The following SLX4IP variants were observed in gnomAD, a reference collection of about 807,000 sequenced individuals.
SLX4IP encodes protein SLX4IP.
SLX4IP carries 34 observed loss-of-function variants against 32.9 expected under a neutral mutation model. The ratio of observed to expected loss-of-function variants is 1.03; its 90% confidence interval spans 0.79 to 1.38. The LOEUF (loss-of-function observed/expected upper bound fraction) is 1.38, where lower values mean the gene tolerates loss of function less well. Ranked by LOEUF, SLX4IP falls within the 40% of genes most tolerant of loss-of-function variation. The probability of loss-of-function intolerance (pLI) is 0.00; values close to 1 mark genes in which losing one functional copy is unlikely to be tolerated. For synonymous variants in SLX4IP, 172 were observed against 171.7 expected (o/e 1.00, Z -0.01); for missense variants, 444 against 479.0 (o/e 0.93, Z 0.68).
chr20:10,595,265 G>A (rs576352078), intron 4 of SLX4IP, among the ~76,000 whole-genome samples: 1 of 152,262 alleles, frequency 6.6e-6, no homozygotes, highest in South Asian at 2.1e-4. Context: ...ATCCCTTCTT[G>A]TGTCTAAAGA....
chr20:10,557,684 G>A (rs1056335788), intron 3 of SLX4IP, among the ~76,000 whole-genome samples: 1 of 152,064 alleles, frequency 6.6e-6, no homozygotes, highest in Non-Finnish European at 1.5e-5. Context: ...ATTCCCTTTC[G>A]GCTTTGCCAC....
At chr20:10,543,102 A>G (rs985271670) in intron 2 of SLX4IP, among the ~76,000 whole-genome samples, 1 of 152,178 alleles carries the variant, frequency 6.6e-6, no homozygotes, top group Admixed American at 6.5e-5. Flanking sequence ...TTTATTCACT[A>G]GGACTCATTT....
intron 3 of SLX4IP, among the ~76,000 whole-genome samples, chr20:10,560,490 C>T (rs1228048522): frequency 6.6e-6 from 1 of 152,186 alleles, no homozygotes; most frequent in Non-Finnish European, 1.5e-5. Flanking sequence ...CCAGATCACA[C>T]AGTGAGCCAA....
intron 2 of SLX4IP, among the ~76,000 whole-genome samples, chr20:10,493,510 A>T (rs1212935092): frequency 6.6e-6 from 1 of 152,126 alleles, no homozygotes. Flanking sequence ...TTTTATGTAT[A>T]GTCAACATCT....
At chr20:10,573,486 G>A (rs1443378818) in intron 4 of SLX4IP, among the ~76,000 whole-genome samples, 1 of 152,188 alleles carries the variant, frequency 6.6e-6, no homozygotes. Context: ...ACAATGGGCA[G>A]TTAGAATGTG....
At chr20:10,592,843 AG>A (rs2066727277) in intron 4 of SLX4IP, among the ~76,000 whole-genome samples, 1 of 151,994 alleles carries the variant, frequency 6.6e-6, no homozygotes. Context: ...CATGTGAGCC[AG>A]GATGGTCTCG....
intron 2 of SLX4IP, among the ~76,000 whole-genome samples, chr20:10,473,979 T>G (rs543497661): frequency 2.0e-5 from 3 of 152,050 alleles, no homozygotes; most frequent in Non-Finnish European, 4.4e-5. Flanking sequence ...CACGCCACCA[T>G]GCCTGGCTAA....
chr20:10,522,499 A>C (rs865819679), intron 2 of SLX4IP, among the ~76,000 whole-genome samples: 5 of 152,168 alleles, frequency 3.3e-5, no homozygotes, highest in Admixed American at 6.5e-5. Flanking sequence ...CAGGGAGCAA[A>C]GAGAAGCATT....
At chr20:10,566,166 A>C (rs1248035014) in intron 4 of SLX4IP, among the ~76,000 whole-genome samples, 1 of 151,314 alleles carries the variant, frequency 6.6e-6, no homozygotes, top group Non-Finnish European at 1.5e-5. Flanking sequence ...TCTGATTAGC[A>C]TTCTTTACCT....
intron 2 of SLX4IP, among the ~76,000 whole-genome samples, chr20:10,505,039 TGGGAAGTG>T (rs1472917598): frequency 7.2e-5 from 11 of 152,230 alleles, no homozygotes; most frequent in Admixed American, 6.5e-4. Flanking sequence ...GGCAATCAAA[TGGGAAGTG>T]GCATTTCGTG....
chr20:10,436,270 C>A (rs1432503103), intron 1 of SLX4IP, among the ~76,000 whole-genome samples: 2 of 152,188 alleles, frequency 1.3e-5, no homozygotes, highest in Non-Finnish European at 2.9e-5. Context: ...CACCCCAGAG[C>A]TGCTGAATCA....
chr20:10,586,223 T>A (rs989076878), intron 4 of SLX4IP, among the ~76,000 whole-genome samples: 5 of 152,162 alleles, frequency 3.3e-5, no homozygotes, highest in Admixed American at 1.3e-4. Flanking sequence ...AAAATAAATA[T>A]AACAGTTTAT....
chr20:10,600,122 T>C (rs905254757), intron 5 of SLX4IP, among the ~76,000 whole-genome samples: 6 of 152,128 alleles, frequency 3.9e-5, no homozygotes, highest in African/African-American at 1.4e-4. Context: ...AAAAAGGCTA[T>C]ATACCATTTA....
intron 4 of SLX4IP, among the ~76,000 whole-genome samples, chr20:10,572,489 A>G (rs1458498980): frequency 6.6e-6 from 1 of 152,198 alleles, no homozygotes; most frequent in African/African-American, 2.4e-5. Flanking sequence ...ACCCCCAAAC[A>G]GAGCTCATCT....
chr20:10,473,914 A>G (rs908594126), intron 2 of SLX4IP, among the ~76,000 whole-genome samples: 2 of 150,484 alleles, frequency 1.3e-5, no homozygotes, highest in South Asian at 4.2e-4. Context: ...CCTCCGCCTC[A>G]TGGGTTCAGG....
intron 2 of SLX4IP, among the ~76,000 whole-genome samples, chr20:10,551,361 T>C (rs1307259516): frequency 6.6e-6 from 1 of 152,190 alleles, no homozygotes; most frequent in Non-Finnish European, 1.5e-5. Flanking sequence ...TGTTCTATGA[T>C]GTATCAGTGC....
chr20:10,457,549 G>A (rs1295446722), intron 1 of SLX4IP, among the ~76,000 whole-genome samples: 3 of 151,166 alleles, frequency 2.0e-5, no homozygotes, highest in Admixed American at 6.6e-5. Flanking sequence ...TGCATTCTTG[G>A]GCTACATCCA....
At chr20:10,573,725 C>A (rs1245848341) in intron 4 of SLX4IP, among the ~76,000 whole-genome samples, 1 of 152,200 alleles carries the variant, frequency 6.6e-6, no homozygotes, top group Non-Finnish European at 1.5e-5. Context: ...CTATTCACAG[C>A]CCTTTACAAA....
rs1232712152 is a variant in SLX4IP at position 10,626,775 on chromosome 20, C to T, written c.*3396C>T. ...GAGTAAGTGCTGTAGTTCTTTTGTT[C>T]ACTTATTTTAATACTATAGAAGTGT... On this transcript the variant is annotated 3_prime_UTR_variant, in exon 8 of 8. Coordinates refer to ENST00000334534, the MANE Select transcript of SLX4IP (RefSeq NM_001009608.3). 2 of 152,138 alleles carry T rather than the reference C, an allele frequency of 1.3e-5. No homozygotes were observed. The highest frequency in any genetic ancestry group is 2.9e-5 in the Non-Finnish European group (2 of 68,020). The allele number at this position is 152,138 out of a possible 1,614,324, so 9.4% of individuals were successfully genotyped here.
Sources: gnomAD v4.1 joint callset for allele counts (sites outside exome capture counted in the v4.1 genomes callset) on GRCh38, gnomAD v4.1.1 for gene constraint, MANE v1.5 for transcripts, NCBI Gene and HGNC (gene_info 2026-07-23, HGNC 2026-07-21) for gene names.